UBE2E2: variants seen among roughly 807,000 people sequenced by gnomAD.
UBE2E2 encodes ubiquitin conjugating enzyme E2 E2, also known as ubiquitin-conjugating enzyme E2 E2.
Under a neutral mutation model 24.7 loss-of-function variants are expected in UBE2E2, and 6 were observed. That is an observed-to-expected ratio of 0.24 (90% confidence interval 0.13 to 0.48). The LOEUF (loss-of-function observed/expected upper bound fraction) is 0.48, where lower values mean the gene tolerates loss of function less well. Ranked by LOEUF, UBE2E2 falls within the 20% of genes least tolerant of loss-of-function variation. The probability of loss-of-function intolerance (pLI) is 0.99; values close to 1 mark genes in which losing one functional copy is unlikely to be tolerated. For synonymous variants in UBE2E2, 104 were observed against 83.6 expected, an observed-to-expected ratio of 1.24 and a Z score of -1.33; for missense variants, 169 against 245.0, an observed-to-expected ratio of 0.69 and a Z score of 2.07.
intron 3 of UBE2E2, among the ~76,000 whole-genome samples, chr3:23,498,423 C>T (rs112256548): frequency 5.9e-5 from 9 of 151,956 alleles, no homozygotes; most frequent in Non-Finnish European, 1.2e-4. Flanking sequence ...TTTGAGCTTC[C>T]GAAAAAATTT....
At chr3:23,446,496 A>T (rs1032818583) in intron 3 of UBE2E2, among the ~76,000 whole-genome samples, 2 of 152,180 alleles carry the variant, frequency 1.3e-5, no homozygotes, top group Admixed American at 6.5e-5. Flanking sequence ...GTAAGAGTTA[A>T]CATTGCCCTG....
chr3:23,343,918 G>A (rs892417856), intron 3 of UBE2E2, among the ~76,000 whole-genome samples: 9 of 152,272 alleles, frequency 5.9e-5, no homozygotes, highest in African/African-American at 1.7e-4. Context: ...ATATTCCATT[G>A]TGTGATTATA....
At chr3:23,372,920 T>C (rs1009329144) in intron 3 of UBE2E2, among the ~76,000 whole-genome samples, 1 of 152,210 alleles carries the variant, frequency 6.6e-6, no homozygotes, top group African/African-American at 2.4e-5. Context: ...CACATTAAAA[T>C]TTTAGAATCT....
intron 3 of UBE2E2, among the ~76,000 whole-genome samples, chr3:23,293,517 A>T (rs1181794009): frequency 6.6e-6 from 1 of 152,208 alleles, no homozygotes; most frequent in East Asian, 1.9e-4. Context: ...ATACGGTCTT[A>T]CGTTAAAAAA....
chr3:23,405,476 G>A (rs940801553), intron 3 of UBE2E2, among the ~76,000 whole-genome samples: 1 of 152,170 alleles, frequency 6.6e-6, no homozygotes, highest in Non-Finnish European at 1.5e-5. Flanking sequence ...GGTTAGTAGG[G>A]AGTATGAGTA....
chr3:23,566,301 G>A (rs552917244), intron 5 of UBE2E2, among the ~76,000 whole-genome samples: 2 of 152,318 alleles, frequency 1.3e-5, no homozygotes, highest in South Asian at 2.1e-4. Flanking sequence ...GCATCTTTAT[G>A]CATAGCAAGC....
At position 23,350,606 on chromosome 3, in the gene UBE2E2, C is replaced by T. The variant is rs570073002; in HGVS notation, c.227+133294C>T. 4.6e-4 allele frequency among the ~76,000 whole-genome samples: 70 copies of T among 151,948 alleles called. 1 individual carries two copies. The East Asian group carries it at 0.013, about 28-fold the overall frequency. On this transcript the variant is annotated intron_variant, in intron 3 of 5. Coordinates refer to ENST00000396703, the MANE Select transcript of UBE2E2 (RefSeq NM_152653.4). Reference sequence around the variant, plus strand: ...TGAAGAATACAGAAGCCTCAGGAGCCGATGTGATCAACTGGAAGAAAGGGT... The same window carrying T: ...TGAAGAATACAGAAGCCTCAGGAGCTGATGTGATCAACTGGAAGAAAGGGT...
Position 23,583,230 on chromosome 3 carries a change from G to C in UBE2E2, c.509-6504G>C, listed in dbSNP as rs1015944413. ...TTTTTGTCAGCTTTGTCAAAGATCA[G>C]ATGGTCGTAAATATGTGGCATTATT... On this transcript the variant is annotated intron_variant, in intron 5 of 5. Transcript: ENST00000396703. This position sits in a 1 kb window ranked among gnomAD's most constrained non-coding sequence, Gnocchi z 4.1. Among the ~76,000 whole-genome samples the C allele has an allele frequency of 8.5e-5, 13 of 152,270 alleles. No homozygotes were observed. Among genetic ancestry groups the C allele is most frequent in the African/African-American group, 3.1e-4 (13 of 41,556 alleles).
At chr3:23,439,418 T>C (rs1468007624) in intron 3 of UBE2E2, among the ~76,000 whole-genome samples, 1 of 152,216 alleles carries the variant, frequency 6.6e-6, no homozygotes. Flanking sequence ...CTCCTCCATG[T>C]CTTAACCCTA....
intron 5 of UBE2E2, among the ~76,000 whole-genome samples, chr3:23,571,280 CTTTTTTTTTTTTTTTTT>C (rs59243406): frequency 3.3e-5 from 1 of 29,866 alleles, no homozygotes; most frequent in Non-Finnish European, 6.6e-5. Context: ...GTGCTCCTTT[CTTTTTTTTTTTTTTTTT>C]TTTTTTTTTT....
chr3:23,356,218 A>G (rs1479423577), intron 3 of UBE2E2, among the ~76,000 whole-genome samples: 2 of 152,214 alleles, frequency 1.3e-5, no homozygotes, highest in Admixed American at 6.5e-5. Flanking sequence ...GTCAGGGAAC[A>G]TTATGGTATA....
At chr3:23,205,945 A>G (rs1696133652) in intron 1 of UBE2E2, among the ~76,000 whole-genome samples, 1 of 152,236 alleles carries the variant, frequency 6.6e-6, no homozygotes, top group Non-Finnish European at 1.5e-5. Flanking sequence ...AAGAATATTG[A>G]GAAGAATGTG....
At chr3:23,475,764 A>G (rs1008381507) in intron 3 of UBE2E2, among the ~76,000 whole-genome samples, 1 of 152,060 alleles carries the variant, frequency 6.6e-6, no homozygotes, top group South Asian at 2.1e-4. Context: ...ACCACAGGGA[A>G]AGGGTTTACA....
intron 3 of UBE2E2, among the ~76,000 whole-genome samples, chr3:23,483,374 A>C (rs1012550690): frequency 6.6e-6 from 1 of 152,272 alleles, no homozygotes; most frequent in Non-Finnish European, 1.5e-5. Context: ...TCTTTGCCAG[A>C]CACTACATTT....
intron 5 of UBE2E2, among the ~76,000 whole-genome samples, chr3:23,569,555 T>C (rs1696174338): frequency 6.6e-6 from 1 of 152,216 alleles, no homozygotes; most frequent in Non-Finnish European, 1.5e-5. Flanking sequence ...TTTCCTCCAC[T>C]ACTTGCTGCA....
intron 3 of UBE2E2, among the ~76,000 whole-genome samples, chr3:23,252,617 C>T (rs780295826): frequency 8.5e-5 from 13 of 152,172 alleles, no homozygotes; most frequent in Non-Finnish European, 1.8e-4. Flanking sequence ...CTGCCTCAGC[C>T]TCCTCAGTAG....
intron 5 of UBE2E2, among the ~76,000 whole-genome samples, chr3:23,571,284 T>C (rs868562180): frequency 5.2e-4 from 40 of 77,668 alleles, no homozygotes; most frequent in Middle Eastern, 5.9e-3. Context: ...TCCTTTCTTT[T>C]TTTTTTTTTT....
chr3:23,566,276 G>A (rs1696070549), intron 5 of UBE2E2, among the ~76,000 whole-genome samples: 1 of 152,334 alleles, frequency 6.6e-6, no homozygotes, highest in Middle Eastern at 3.4e-3. Flanking sequence ...GGGACATCAA[G>A]TTATTGGCCA....
chr3:23,227,724 T>C (rs1007942969), intron 3 of UBE2E2, among the ~76,000 whole-genome samples: 3 of 152,178 alleles, frequency 2.0e-5, no homozygotes, highest in Admixed American at 6.5e-5. Context: ...TTAACAAGAA[T>C]GGAATAGCAC....
Sources: allele counts gnomAD v4.1 joint callset (sites outside exome capture counted in the v4.1 genomes callset), GRCh38; gene constraint gnomAD v4.1.1; non-coding constraint Gnocchi (gnomAD v3.1); transcripts MANE v1.5; gene names NCBI Gene and HGNC (gene_info 2026-07-23, HGNC 2026-07-21).